The following SLC15A5 variants were observed in gnomAD, a reference collection of about 807,000 sequenced individuals.
SLC15A5 encodes the protein Peptide/histidine transporter ENSP00000340402.
In SLC15A5, 58 loss-of-function variants were observed where a neutral mutation model predicts 56.1. The observed-to-expected ratio is 1.03, with a 90% CI of 0.84 to 1.29. The LOEUF is 1.29. Among genes scored for constraint, SLC15A5 ranks in the 50% most tolerant of loss-of-function variants. The pLI is 0.00. For synonymous variants in SLC15A5, 264 were observed against 250.5 expected, an observed-to-expected ratio of 1.05 and a Z score of -0.51; for missense variants, 681 against 672.1, an observed-to-expected ratio of 1.01 and a Z score of -0.15.
intron 2 of SLC15A5, among the ~76,000 whole-genome samples, chr12:16,261,782 A>G (rs901131684): frequency 6.6e-6 from 1 of 152,116 alleles, no homozygotes; most frequent in African/African-American, 2.4e-5. Flanking sequence ...TTTATTTTGC[A>G]TTTCCCTAAT....
chr12:16,233,204 T>C (rs1864315025), intron 5 of SLC15A5, among the ~76,000 whole-genome samples: 1 of 152,180 alleles, frequency 6.6e-6, no homozygotes, highest in Admixed American at 6.5e-5. Context: ...GTAAAAATGC[T>C]TATATTTTAT....
At chr12:16,218,310 A>C (rs1050455532) in intron 6 of SLC15A5, among the ~76,000 whole-genome samples, 1 of 152,096 alleles carries the variant, frequency 6.6e-6, no homozygotes, top group African/African-American at 2.4e-5. Context: ...TATTCCTCTT[A>C]CTCTTTTGTG....
At chr12:16,260,411 C>T (rs957568480) in intron 2 of SLC15A5, among the ~76,000 whole-genome samples, 26 of 152,024 alleles carry the variant, frequency 1.7e-4, no homozygotes, top group African/African-American at 5.5e-4. Context: ...GTGTTAAGTT[C>T]GGGTTTTTTC....
At chr12:16,214,285 T>G (rs866243142) in intron 7 of SLC15A5, among the ~76,000 whole-genome samples, 1 of 152,238 alleles carries the variant, frequency 6.6e-6, no homozygotes, top group African/African-American at 2.4e-5. Flanking sequence ...GACTGATTCC[T>G]GGGAGGTAAT....
rs952248310 is a variant in SLC15A5, at chr12:16,243,547, C to CT, written c.975+1032dup. ...TTTTCATGTGCTAGAAAATACTATT[C>CT]TTTTTTTAATTTTTTTCAAACATAT... On this transcript the variant is annotated intron_variant, in intron 4 of 8. Coordinates refer to ENST00000344941, the MANE Select transcript of SLC15A5 (RefSeq NM_001170798.1). The surrounding 1 kb of genome is among the most constrained non-coding windows in gnomAD (Gnocchi z 4.4). 6.6e-6 allele frequency among the ~76,000 whole-genome samples: 1 copy of CT among 152,050 alleles called. No homozygotes were observed. Among genetic ancestry groups the CT allele is most frequent in the African/African-American group, 2.4e-5 (1 of 41,392 alleles).
chr12:16,234,184 T>C (rs1417493890), intron 5 of SLC15A5, among the ~76,000 whole-genome samples: 1 of 152,158 alleles, frequency 6.6e-6, no homozygotes. Flanking sequence ...AAATGAATTC[T>C]ATCAAGACCT....
chr12:16,194,918 T>G (rs1318951659), intron 7 of SLC15A5, among the ~76,000 whole-genome samples: 3 of 152,026 alleles, frequency 2.0e-5, no homozygotes, highest in Non-Finnish European at 4.4e-5. Flanking sequence ...TGTATATAGG[T>G]GATAGATGTT....
At chr12:16,273,083 C>A (rs1226558516) in intron 1 of SLC15A5, among the ~76,000 whole-genome samples, 1 of 151,342 alleles carries the variant, frequency 6.6e-6, no homozygotes, top group Non-Finnish European at 1.5e-5. Flanking sequence ...ATTAAAATAA[C>A]TCAGGAAAGC....
intron 6 of SLC15A5, among the ~76,000 whole-genome samples, chr12:16,218,698 G>T (rs79338506): frequency 3.3e-5 from 5 of 152,086 alleles, no homozygotes; most frequent in African/African-American, 4.8e-5. Flanking sequence ...TGAAACTGCC[G>T]TCATATACGT....
At chr12:16,211,542 T>A (rs886609503) in intron 7 of SLC15A5, among the ~76,000 whole-genome samples, 2 of 152,186 alleles carry the variant, frequency 1.3e-5, no homozygotes, top group East Asian at 3.9e-4. Context: ...TTCAATCGCC[T>A]GCATGTCCAT....
chr12:16,216,746 T>C (rs1864133072), intron 7 of SLC15A5, 147 bp downstream of exon 7: 1 of 673,794 alleles, frequency 1.5e-6, no homozygotes, highest in African/African-American at 1.8e-5. Context: ...AGCAAGAGTG[T>C]ATTTCCTATC....
chr12:16,269,567 T>A lies in SLC15A5; in HGVS notation c.584+2994A>T, dbSNP rs909602030. ...GATAATACATTTTTACCTCTAGTGC[T>A]TCCCTAAGATAAAATATATTTAATT... On this transcript the variant is annotated intron_variant, in intron 2 of 8. Transcript: ENST00000344941. This position sits in a 1 kb window ranked among gnomAD's most constrained non-coding sequence, Gnocchi z 4.7. 1.3e-5 allele frequency among the ~76,000 whole-genome samples: 2 copies of A among 152,208 alleles called. No homozygotes were observed. The highest frequency in any genetic ancestry group is 4.8e-5 in the African/African-American group (2 of 41,446).
chr12:16,253,228 T>G (rs1348039195), intron 3 of SLC15A5, among the ~76,000 whole-genome samples: 1 of 152,040 alleles, frequency 6.6e-6, no homozygotes, highest in Non-Finnish European at 1.5e-5. Flanking sequence ...TAGCAATGAT[T>G]TCTTGGACAT....
chr12:16,235,967 T>C lies in SLC15A5; in HGVS notation c.1162+3714A>G, dbSNP rs1016147314. The stretch of plus-strand genomic sequence containing the variant: ...CTTTTAGCTGGAACTTGAATTTTCA[T>C]GTTTTTATTTTAAAGAAAAAAGGTA... On this transcript the variant is annotated intron_variant, in intron 5 of 8. Coordinates refer to ENST00000344941, the MANE Select transcript of SLC15A5 (RefSeq NM_001170798.1). The surrounding 1 kb of genome is among the most constrained non-coding windows in gnomAD (Gnocchi z 4.1). 6.6e-5 allele frequency among the ~76,000 whole-genome samples: 10 copies of C among 152,278 alleles called. No homozygotes were observed. In the East Asian group the frequency reaches 1.7e-3, roughly 26 times the overall value.
intron 7 of SLC15A5, among the ~76,000 whole-genome samples, chr12:16,205,602 C>CATAT (rs1339818906): frequency 7.9e-5 from 8 of 100,880 alleles, no homozygotes; most frequent in African/African-American, 2.5e-4. Flanking sequence ...CATATACACA[C>CATAT]ACACACACAT....
intron 7 of SLC15A5, among the ~76,000 whole-genome samples, chr12:16,205,363 T>C (rs1001246160): frequency 2.0e-5 from 3 of 151,674 alleles, no homozygotes; most frequent in Non-Finnish European, 4.4e-5. Flanking sequence ...TTCTCGATAG[T>C]CTTTAAAATA....
At position 16,243,621 on chromosome 12, in the gene SLC15A5, C is replaced by A. The variant is rs990417988; in HGVS notation, c.975+959G>T. On this transcript the variant is annotated intron_variant, in intron 4 of 8. Transcript: ENST00000344941. This position sits in a 1 kb window ranked among gnomAD's most constrained non-coding sequence, Gnocchi z 4.4. ...TTACAGGATGTACAAAAATAGTGGA[C>A]TGGATTTGGCCTTCAGATAGTGGAT... 2.0e-5 allele frequency among the ~76,000 whole-genome samples: 3 copies of A among 151,938 alleles called. No individual in the cohort carries two copies. The highest frequency in any genetic ancestry group is 6.6e-5 in the Admixed American group (1 of 15,250).
Position 16,244,402 on chromosome 12 carries a change from G to A in SLC15A5, c.975+178C>T, listed in dbSNP as rs145025601. Among the ~76,000 whole-genome samples, 209 of 152,280 alleles carry A rather than the reference G, an allele frequency of 1.4e-3. No individual in the cohort carries two copies. Among genetic ancestry groups the A allele is most frequent in the African/African-American group, 4.8e-3 (201 of 41,550 alleles). ...CCAGGGTCTCCTCAGGTATACCTCT[G>A]CCTGACCCCGCTTAGCTCTGGAAAT... is the stretch of plus-strand genomic sequence containing the variant. On this transcript the variant is annotated intron_variant, in intron 4 of 8. Transcript: ENST00000344941.
intron 7 of SLC15A5, among the ~76,000 whole-genome samples, chr12:16,199,426 G>A (rs1863929053): frequency 6.6e-6 from 1 of 151,484 alleles, no homozygotes. Context: ...CCTCACCACA[G>A]AAATCAAGGT....
Sources: allele counts gnomAD v4.1 joint callset (sites outside exome capture counted in the v4.1 genomes callset), GRCh38; gene constraint gnomAD v4.1.1; non-coding constraint Gnocchi (gnomAD v3.1); transcripts MANE v1.5; gene names NCBI Gene and HGNC (gene_info 2026-07-23, HGNC 2026-07-21).